Variants in RIMS1 observed in about 807,000 individuals in gnomAD.
RIMS1 encodes the protein regulating synaptic membrane exocytosis protein 1.
Under a neutral mutation model 214.1 loss-of-function variants are expected in RIMS1, and 83 were observed. That is an observed-to-expected ratio of 0.39 (90% CI 0.32 to 0.47). The LOEUF (loss-of-function observed/expected upper bound fraction) is 0.47, where lower values mean the gene tolerates loss of function less well. RIMS1 is among the 20% of genes least tolerant of loss of function. RIMS1 has a pLI of 0.99. For missense variants in RIMS1, 2,050 were observed against 2,161.8 expected (o/e 0.95, Z 1.03); for synonymous variants, 793 against 786.8 (o/e 1.01, Z -0.13).
intron 4 of RIMS1, among the ~76,000 whole-genome samples, chr6:72,125,519 G>C (rs1435326723): frequency 6.6e-6 from 1 of 152,234 alleles, no homozygotes; most frequent in Admixed American, 6.5e-5. Flanking sequence ...TCTTTTCAGA[G>C]CTGTCAGACA....
At chr6:72,131,538 T>G (rs1657504528) in intron 4 of RIMS1, among the ~76,000 whole-genome samples, 1 of 151,270 alleles carries the variant, frequency 6.6e-6, no homozygotes, top group African/African-American at 2.4e-5. Context: ...GGGGAGGGAG[T>G]GTACCGATAG....
chr6:71,986,830 G>C (rs889892197), intron 2 of RIMS1, among the ~76,000 whole-genome samples: 1 of 152,250 alleles, frequency 6.6e-6, no homozygotes, highest in African/African-American at 2.4e-5. Context: ...CAAGGGTGCT[G>C]CTGTGTGAGA....
chr6:72,191,151 C>T (rs1441537250), intron 6 of RIMS1, among the ~76,000 whole-genome samples: 3 of 152,196 alleles, frequency 2.0e-5, no homozygotes, highest in Admixed American at 6.5e-5. Flanking sequence ...CTGGACCCCA[C>T]TCAAAACTAG....
chr6:71,996,701 C>T (rs1803533972), intron 2 of RIMS1, among the ~76,000 whole-genome samples: 1 of 152,188 alleles, frequency 6.6e-6, no homozygotes, highest in Non-Finnish European at 1.5e-5. Context: ...TGAAGGTACA[C>T]ACCAGGGGTT....
intron 4 of RIMS1, among the ~76,000 whole-genome samples, chr6:72,118,170 C>G (rs1037642244): frequency 6.6e-6 from 1 of 150,892 alleles, no homozygotes; most frequent in South Asian, 2.1e-4. Flanking sequence ...ACTGGAAAAT[C>G]TAGAAGAGAT....
At chr6:72,308,433 G>T (rs1283343146) in intron 27 of RIMS1, among the ~76,000 whole-genome samples, 1 of 151,978 alleles carries the variant, frequency 6.6e-6, no homozygotes, top group East Asian at 1.9e-4. Context: ...AACTCTTTGG[G>T]AGGTAATAAG....
chr6:71,946,224 C>CA (rs2151071833), intron 1 of RIMS1, among the ~76,000 whole-genome samples: 1 of 152,262 alleles, frequency 6.6e-6, no homozygotes, highest in East Asian at 1.9e-4. Flanking sequence ...TTTACAGATT[C>CA]AATGCAATCC....
At chr6:72,329,655 G>A (rs1254621545) in intron 28 of RIMS1, among the ~76,000 whole-genome samples, 1 of 151,396 alleles carries the variant, frequency 6.6e-6, no homozygotes, top group Non-Finnish European at 1.5e-5. Flanking sequence ...ATGACCCTTA[G>A]GTGCTCTTGT....
At chr6:72,358,799 A>C (rs2097727867) in intron 29 of RIMS1, among the ~76,000 whole-genome samples, 1 of 152,070 alleles carries the variant, frequency 6.6e-6, no homozygotes, top group African/African-American at 2.4e-5. Context: ...GAAAGAATAG[A>C]TGTGGGAAGT....
intron 1 of RIMS1, among the ~76,000 whole-genome samples, chr6:71,892,252 T>G (rs1189326474): frequency 6.6e-6 from 1 of 152,246 alleles, no homozygotes; most frequent in Non-Finnish European, 1.5e-5. Context: ...GTGTACCTTC[T>G]ATGTATTATG....
At chr6:72,363,388 A>C (rs779487113) in intron 29 of RIMS1, among the ~76,000 whole-genome samples, 3 of 152,222 alleles carry the variant, frequency 2.0e-5, no homozygotes, top group Non-Finnish European at 4.4e-5. Flanking sequence ...TCTAAAGTGC[A>C]GTAGAATGCC....
intron 1 of RIMS1, among the ~76,000 whole-genome samples, chr6:71,937,366 T>G (rs1241146698): frequency 6.6e-6 from 1 of 152,128 alleles, no homozygotes; most frequent in Non-Finnish European, 1.5e-5. Context: ...GCTCAAGCGA[T>G]TCTCCCACCT....
At chr6:72,147,774 A>G (rs1248016724) in intron 4 of RIMS1, among the ~76,000 whole-genome samples, 1 of 152,202 alleles carries the variant, frequency 6.6e-6, no homozygotes, top group Non-Finnish European at 1.5e-5. Context: ...GTCCTTTTGA[A>G]TCTTTTATTA....
chr6:72,126,352 A>G (rs1322075477), intron 4 of RIMS1, among the ~76,000 whole-genome samples: 1 of 152,220 alleles, frequency 6.6e-6, no homozygotes, highest in Non-Finnish European at 1.5e-5. Flanking sequence ...TCTTCTAGAC[A>G]TTAGTTTGGC....
chr6:72,366,727 G>A (rs2098039406), intron 29 of RIMS1: 1 of 985,712 alleles, frequency 1.0e-6, no homozygotes, highest in Non-Finnish European at 1.2e-6. Context: ...AGACAGAGAA[G>A]ACAGTTCACA....
At chr6:72,171,208 C>A (rs1349587100) in intron 4 of RIMS1, among the ~76,000 whole-genome samples, 1 of 151,700 alleles carries the variant, frequency 6.6e-6, no homozygotes, top group African/African-American at 2.4e-5. Flanking sequence ...GAGTGACAGA[C>A]CATTAGATAG....
At chr6:71,914,602 T>G (rs1376798635) in intron 1 of RIMS1, among the ~76,000 whole-genome samples, 2 of 152,180 alleles carry the variant, frequency 1.3e-5, no homozygotes, top group East Asian at 3.8e-4. Flanking sequence ...GTAATTCAGA[T>G]ATGTTTATAA....
intron 1 of RIMS1, among the ~76,000 whole-genome samples, chr6:71,898,085 A>G (rs1772411622): frequency 6.6e-6 from 1 of 152,150 alleles, no homozygotes; most frequent in Non-Finnish European, 1.5e-5. Context: ...GGCCTGTTGT[A>G]TCTTGATTTA....
At chr6:71,958,627 A>G (rs1056755566) in intron 1 of RIMS1, among the ~76,000 whole-genome samples, 5 of 152,138 alleles carry the variant, frequency 3.3e-5, no homozygotes, top group Non-Finnish European at 7.4e-5. Flanking sequence ...TGACTTAGGA[A>G]ATAAGATATA....
Sources: gnomAD v4.1 joint callset for allele counts (sites outside exome capture counted in the v4.1 genomes callset) on GRCh38, gnomAD v4.1.1 for gene constraint, MANE v1.5 for transcripts, NCBI Gene and HGNC (gene_info 2026-07-23, HGNC 2026-07-21) for gene names.